NOVA2: variants seen among roughly 807,000 people sequenced by gnomAD.
The protein encoded by NOVA2 is RNA-binding protein Nova-2.
A neutral mutation model predicts 22.5 loss-of-function variants in NOVA2; 9 were observed. That is an observed-to-expected ratio of 0.40 (90% CI 0.24 to 0.70). NOVA2 has a LOEUF of 0.70. Ranked by LOEUF, NOVA2 falls within the 30% of genes least tolerant of loss-of-function variation. The pLI, the probability that NOVA2 is intolerant of heterozygous loss-of-function variation, is 0.38. For synonymous variants in NOVA2, 318 were observed against 335.2 expected (o/e 0.95, Z 0.56); for missense variants, 383 against 682.8 (o/e 0.56, Z 4.89).
chr19:45,948,018 C>T (rs181685418), intron 3 of NOVA2, among the ~76,000 whole-genome samples: 140 of 152,218 alleles, frequency 9.2e-4, no homozygotes, highest in African/African-American at 3.1e-3. Flanking sequence ...ATTCAGACCT[C>T]CTCATAGGAC....
chr19:45,973,113 C>G (rs1411276587), intron 1 of NOVA2, among the ~76,000 whole-genome samples, 154 bp downstream of exon 1: 1 of 150,036 alleles, frequency 6.7e-6, no homozygotes, highest in Non-Finnish European at 1.5e-5. Flanking sequence ...GGGGTCCAGC[C>G]CCCTCCTCAA....
intron 2 of NOVA2, among the ~76,000 whole-genome samples, chr19:45,957,648 G>A (rs551023244): frequency 3.9e-5 from 6 of 152,182 alleles, no homozygotes; most frequent in Middle Eastern, 3.4e-3. Context: ...AGGTTGCAGC[G>A]AGCCACGATC....
At chr19:45,963,207 C>T (rs1432085926) in intron 1 of NOVA2, among the ~76,000 whole-genome samples, 4 of 151,914 alleles carry the variant, frequency 2.6e-5, no homozygotes, top group Non-Finnish European at 4.4e-5. Context: ...AGTGAAACTC[C>T]GTCTCTACTA....
intron 2 of NOVA2, among the ~76,000 whole-genome samples, chr19:45,960,588 C>T (rs1968079856): frequency 6.6e-6 from 1 of 151,670 alleles, no homozygotes; most frequent in Non-Finnish European, 1.5e-5. Context: ...ACAGAGAAAA[C>T]CAGTGAGACT....
At chr19:45,943,841 C>G (rs1418105632) in intron 3 of NOVA2, among the ~76,000 whole-genome samples, 1 of 152,026 alleles carries the variant, frequency 6.6e-6, no homozygotes, top group Non-Finnish European at 1.5e-5. Context: ...GAGCCCAACC[C>G]CATGACACAT....
chr19:45,960,994 C>T lies in NOVA2; in HGVS notation c.229+16G>A. 1.3e-6 allele frequency: 2 copies of T among 1,567,716 alleles called. No homozygotes were observed. Among genetic ancestry groups the T allele is most frequent in the Non-Finnish European group, 1.7e-6 (2 of 1,155,876 alleles). The stretch of plus-strand genomic sequence containing the variant: ...AGGGCGGGGGGCCTAGGGCAGAGAC[C>T]TGGGCCGGGGCTCACCGGGGTAGAA... On this transcript the variant is annotated intron_variant, in intron 2 of 3. Transcript: ENST00000263257.
At chr19:45,948,709 A>G (rs891388089) in intron 3 of NOVA2, among the ~76,000 whole-genome samples, 5 of 152,156 alleles carry the variant, frequency 3.3e-5, no homozygotes, top group African/African-American at 1.2e-4. Context: ...CGGTACAGCT[A>G]TTATGGAAAC....
At chr19:45,948,493 G>A (rs561775655) in intron 3 of NOVA2, among the ~76,000 whole-genome samples, 2 of 151,708 alleles carry the variant, frequency 1.3e-5, no homozygotes, top group South Asian at 4.2e-4. Context: ...CCAGCTACTC[G>A]GGAGGCTGAG....
chr19:45,941,048 G>C (rs916987897), intron 3 of NOVA2, 103 bp from the exon 4 acceptor site: 3 of 1,082,478 alleles, frequency 2.8e-6, no homozygotes, highest in African/African-American at 1.6e-5. Flanking sequence ...CCAGCACTTT[G>C]GGGGGCTGAG....
At chr19:45,949,740 T>G (rs895340431) in intron 3 of NOVA2, among the ~76,000 whole-genome samples, 7 of 14,530 alleles carry the variant, frequency 4.8e-4, no homozygotes, top group African/African-American at 2.0e-3. Flanking sequence ...TCGTAGGTTG[T>G]TTTTTTTTTT....
chr19:45,956,770 A>ATAC (rs1275642259), intron 2 of NOVA2, among the ~76,000 whole-genome samples: 2 of 152,238 alleles, frequency 1.3e-5, no homozygotes, highest in East Asian at 3.8e-4. Context: ...CACTTTATAC[A>ATAC]TACGTGTTCA....
In NOVA2 at chr19:45,940,272, G is replaced by A; in HGVS notation, c.1070C>T (p.Ala357Val). The A allele has an allele frequency of 9.1e-7, 1 of 1,103,222 alleles. No homozygotes were observed. The highest frequency in any genetic ancestry group is 1.1e-6 in the Non-Finnish European group (1 of 909,374). The allele number at this position is 1,103,222 out of a possible 1,614,324, so 68.3% of individuals were successfully genotyped here. A position where few individuals can be genotyped will look rare whatever the true frequency, so the allele number is the denominator to read the frequency against. The change falls in exon 4 of 4, where the codon GCG becomes GTG. Residue 357 changes from alanine to valine, a missense_variant. This residue lies in a region of NOVA2 where 349 missense variants were observed against 578.1 expected (regional missense o/e 0.60). Coordinates refer to ENST00000263257, the MANE Select transcript of NOVA2 (RefSeq NM_002516.4). ...GTAGCCGTTGGCGGCTGCGGCCAACGCAAAGGACCCCAGGGCTCCGGGAGG... is the reference window on the plus strand; with the variant it reads ...GTAGCCGTTGGCGGCTGCGGCCAACACAAAGGACCCCAGGGCTCCGGGAGG... ...PPPPGALGSF[A>V]LAAAANGYLG...
rs560867182 is a variant in NOVA2 at position 45,958,180 on chromosome 19, C to T, written c.229+2830G>A. ...GCTGACGCAAGGGAGTCTGTGTGGCCCTTGCGCAGGTGCTTGCCTTTTTCT... is the reference window on the plus strand; with the variant it reads ...GCTGACGCAAGGGAGTCTGTGTGGCTCTTGCGCAGGTGCTTGCCTTTTTCT... On this transcript the variant is annotated intron_variant, in intron 2 of 3. Coordinates refer to ENST00000263257, the MANE Select transcript of NOVA2 (RefSeq NM_002516.4). Among the ~76,000 whole-genome samples, 20 of 151,920 alleles carry T rather than the reference C, an allele frequency of 1.3e-4. No individual in the cohort carries two copies. In the South Asian group the frequency reaches 2.7e-3, roughly 21 times the overall value.
At chr19:45,967,120 A>C (rs562654579) in intron 1 of NOVA2, among the ~76,000 whole-genome samples, 1 of 152,102 alleles carries the variant, frequency 6.6e-6, no homozygotes, top group Non-Finnish European at 1.5e-5. Flanking sequence ...ATGAACAGTG[A>C]TTGGCTAAGA....
In NOVA2 at chr19:45,958,583, ATGAG is replaced by A. The variant is rs544109485; in HGVS notation, c.229+2423_229+2426del. 2.6e-4 allele frequency among the ~76,000 whole-genome samples: 38 copies of A among 148,170 alleles called. No individual in the cohort carries two copies. The East Asian group carries it at 2.8e-3, about 11-fold the overall frequency. On this transcript the variant is annotated intron_variant, in intron 2 of 3. Transcript: ENST00000263257. ...TGTGGGTGTGAGGGTGTGAGTGTGA[ATGAG>A]TGTGTGTGAGCATGACAGTGTGCGT...
intron 3 of NOVA2, among the ~76,000 whole-genome samples, chr19:45,944,125 CCTGA>C (rs1967802768): frequency 6.6e-6 from 1 of 152,078 alleles, no homozygotes; most frequent in Admixed American, 6.6e-5. Context: ...CTATTGTGGT[CCTGA>C]CTATTTATTT....
At chr19:45,958,382 T>TGTGA (rs375998046) in intron 2 of NOVA2, among the ~76,000 whole-genome samples, 2,295 of 151,616 alleles carry the variant, frequency 0.015, 60 homozygotes, top group African/African-American at 0.053. Flanking sequence ...TGAGAGTGTG[T>TGTGA]GTGTGTGGGA....
chr19:45,959,405 C>T (rs1290764367), intron 2 of NOVA2, among the ~76,000 whole-genome samples: 1 of 152,154 alleles, frequency 6.6e-6, no homozygotes, highest in Non-Finnish European at 1.5e-5. Context: ...AATGTCTGTC[C>T]CGCCTTCTGG....
At chr19:45,951,522 G>A (rs1963869667) in intron 3 of NOVA2, among the ~76,000 whole-genome samples, 1 of 152,036 alleles carries the variant, frequency 6.6e-6, no homozygotes, top group African/African-American at 2.4e-5. Flanking sequence ...GGAGGCCAAG[G>A]CAGGAGAATC....
Sources: gnomAD v4.1 joint callset for allele counts (sites outside exome capture counted in the v4.1 genomes callset) on GRCh38, gnomAD v4.1.1 for gene constraint, gnomAD v4.1.1 regional missense constraint, MANE v1.5 for transcripts, NCBI Gene and HGNC (gene_info 2026-07-23, HGNC 2026-07-21) for gene names.